Variants in CASP6 observed in about 807,000 individuals in gnomAD.
CASP6 encodes the protein caspase 6, also known as caspase-6.
Under a neutral mutation model 31.8 loss-of-function variants are expected in CASP6, and 20 were observed. That is an observed-to-expected ratio of 0.63 (90% CI 0.44 to 0.91). The LOEUF (loss-of-function observed/expected upper bound fraction) is 0.91, where lower values mean the gene tolerates loss of function less well. Ranked by LOEUF, CASP6 falls within the 40% of genes least tolerant of loss-of-function variation. CASP6 has a pLI of 0.00. For missense variants in CASP6, 328 were observed against 361.1 expected, an observed-to-expected ratio of 0.91 and a Z score of 0.74; for synonymous variants, 130 against 127.8, an observed-to-expected ratio of 1.02 and a Z score of -0.12.
At chr4:109,682,735 T>C in the CASP6 span, 378 of 1,612,526 alleles carry the variant, frequency 2.3e-4, 4 homozygotes, top group South Asian at 1.3e-3. Context: ...CTGCAGCCCC[T>C]TGAACAGGTT....
At chr4:109,675,519 G>T in the CASP6 span, among the ~76,000 whole-genome samples, 1 of 152,208 alleles carries the variant, frequency 6.6e-6, no homozygotes, top group Non-Finnish European at 1.5e-5. Flanking sequence ...GTCTGAGAAA[G>T]CTCAGTACCC....
At chr4:109,706,725 G>A (rs1730628114), upstream of CASP6, among the ~76,000 whole-genome samples, 1 of 152,130 alleles carries the variant, frequency 6.6e-6, no homozygotes, top group South Asian at 2.1e-4. Context: ...TGGCCAACAT[G>A]GCAAAACCCT....
intron 1 of CASP6, chr4:109,702,969 A>G (rs1730469429): frequency 8.5e-6 from 2 of 234,532 alleles, no homozygotes; most frequent in Non-Finnish European, 1.6e-5. Context: ...TCCAACCCCC[A>G]ACATTTCAAA....
the CASP6 span, among the ~76,000 whole-genome samples, chr4:109,669,049 TG>T: frequency 6.6e-5 from 10 of 152,256 alleles, no homozygotes; most frequent in Admixed American, 1.3e-4. Flanking sequence ...TTGAACCGAC[TG>T]TTATCTAGTA....
chr4:109,692,448 G>A (rs1730086782), intron 5 of CASP6: 1 of 152,178 alleles, frequency 6.6e-6, no homozygotes, highest in South Asian at 2.1e-4. Context: ...AAGTAACTTG[G>A]AAAACGATTT....
chr4:109,692,639 G>A (rs1730094287), intron 5 of CASP6: 1 of 152,004 alleles, frequency 6.6e-6, no homozygotes, highest in Non-Finnish European at 1.5e-5. Context: ...GGTGCCCCTC[G>A]GTTTTGTTTT....
At position 109,690,852 on chromosome 4, in the gene CASP6, T is replaced by C; in HGVS notation, c.641A>G (p.Glu214Gly). 6.2e-7 allele frequency: 1 copy of C among 1,605,820 alleles called. No homozygotes were observed. Among genetic ancestry groups the C allele is most frequent in the South Asian group, 1.1e-5 (1 of 89,426 alleles). The change falls in exon 6 of 7, where the codon GAA (glutamate) becomes GGA (glycine). Residue 214 changes from glutamate (E) to glycine (G), a missense_variant and splice_region_variant. By Grantham distance (98) the Glu-to-Gly change is moderately conservative. Transcript: ENST00000265164. The part of the protein sequence containing the change: ...ADFLMCYSVA[E>G]GYYSHRETVN... ...TGTTTGTTTTAAACACCACACACCT[T>C]CTGCAACAGAGTAACACATGAGGAA...
chr4:109,696,952 A>AT (rs1205972371), intron 3 of CASP6, among the ~76,000 whole-genome samples: 4 of 151,642 alleles, frequency 2.6e-5, no homozygotes, highest in African/African-American at 4.8e-5. Context: ...CGCCCGGCTA[A>AT]TTTTTTGTAT....
upstream of CASP6, among the ~76,000 whole-genome samples, chr4:109,707,159 C>T (rs965244990): frequency 6.6e-6 from 1 of 152,134 alleles, no homozygotes; most frequent in African/African-American, 2.4e-5. Context: ...GTATGAAAAA[C>T]TTTCATATGC....
upstream of CASP6, among the ~76,000 whole-genome samples, chr4:109,703,769 T>C (rs1730514593): frequency 1.3e-5 from 2 of 152,196 alleles, no homozygotes; most frequent in South Asian, 2.1e-4. Context: ...CGGACTCATT[T>C]AATCCCAGCT....
rs1195552647 is a variant in CASP6 at position 109,694,665 on chromosome 4, C to T, written c.343G>A (p.Val115Met). 7 of 1,605,904 alleles carry T rather than the reference C, an allele frequency of 4.4e-6. No homozygotes were observed. The highest frequency in any genetic ancestry group is 1.1e-5 in the South Asian group (1 of 88,884). Residue 115 changes from valine to methionine, a missense_variant, in exon 5 of 7, where the codon GTG becomes ATG. By Grantham distance (21) the Val-to-Met change is conservative (BLOSUM62 1). Coordinates refer to ENST00000265164, the MANE Select transcript of CASP6 (RefSeq NM_001226.4). ...TCGCCATGGCTCAGGAAGACACACACAAAGCAATCGGCATCTGCGTGGCTA... is the reference window on the plus strand; with the variant it reads ...TCGCCATGGCTCAGGAAGACACACATAAAGCAATCGGCATCTGCGTGGCTA... ...TVSHADADCF[V>M]CVFLSHGEGN...
At chr4:109,701,754 T>C (rs3181187) in intron 1 of CASP6, among the ~76,000 whole-genome samples, 103,549 of 152,098 alleles carry the variant, frequency 0.68, 36,160 homozygotes, top group African/African-American at 0.85. Flanking sequence ...GATGGCCTGA[T>C]GCCTTAGATA....
At chr4:109,687,040 G>T (rs1729860946), downstream of CASP6, among the ~76,000 whole-genome samples, 1 of 151,690 alleles carries the variant, frequency 6.6e-6, no homozygotes, top group East Asian at 1.9e-4. Flanking sequence ...GCATAAGGAT[G>T]AATTAGTAAA....
intron 3 of CASP6, among the ~76,000 whole-genome samples, chr4:109,697,240 T>A (rs1397556628): frequency 6.6e-6 from 1 of 152,174 alleles, no homozygotes; most frequent in Non-Finnish European, 1.5e-5. Context: ...TAATTTTTTT[T>A]AACTTTTCAT....
the CASP6 span, among the ~76,000 whole-genome samples, chr4:109,669,999 T>C: frequency 6.6e-6 from 1 of 152,244 alleles, no homozygotes; most frequent in African/African-American, 2.4e-5. Flanking sequence ...AATTCCAATG[T>C]TCCTGCCATG....
At chr4:109,668,823 T>C in the CASP6 span, among the ~76,000 whole-genome samples, 480 of 152,176 alleles carry the variant, frequency 3.2e-3, 2 homozygotes, top group African/African-American at 0.011. Context: ...TTTTTAGCGG[T>C]TGCCTAAGAG....
At chr4:109,666,745 T>C in the CASP6 span, among the ~76,000 whole-genome samples, 55 of 152,196 alleles carry the variant, frequency 3.6e-4, 1 homozygote, top group Non-Finnish European at 2.9e-5. Context: ...CTCATTGTCT[T>C]TCACAAGTTG....
At chr4:109,677,440 T>C in the CASP6 span, among the ~76,000 whole-genome samples, 3 of 152,170 alleles carry the variant, frequency 2.0e-5, no homozygotes, top group African/African-American at 4.8e-5. Flanking sequence ...GTATTTTGTG[T>C]GGGAAAAGGA....
intron 6 of CASP6, among the ~76,000 whole-genome samples, chr4:109,690,477 A>AT (rs1383025758): frequency 1.3e-5 from 2 of 151,852 alleles, no homozygotes; most frequent in African/African-American, 4.8e-5. Flanking sequence ...AGCCATGATC[A>AT]TGCCATTGCA....
Sources: gnomAD v4.1 joint callset for allele counts (sites outside exome capture counted in the v4.1 genomes callset) on GRCh38, gnomAD v4.1.1 for gene constraint, MANE v1.5 for transcripts, NCBI Gene and HGNC (gene_info 2026-07-23, HGNC 2026-07-21) for gene names.